Variants in SETD6 observed in about 807,000 individuals in gnomAD.
SETD6 encodes the protein SET domain containing 6, protein lysine methyltransferase, also known as N-lysine methyltransferase SETD6.
SETD6 carries 67 observed loss-of-function variants against 52.7 expected under a neutral mutation model. The observed-to-expected ratio is 1.27, with a 90% CI of 1.04 to 1.56. The LOEUF (loss-of-function observed/expected upper bound fraction) is 1.56. Ranked by LOEUF, SETD6 falls within the 40% of genes most tolerant of loss-of-function variation. The probability of loss-of-function intolerance (pLI) is 0.00; values close to 1 mark genes in which losing one functional copy is unlikely to be tolerated. For missense variants in SETD6, 712 were observed against 607.5 expected, an observed-to-expected ratio of 1.17 and a Z score of -1.81; for synonymous variants, 307 against 250.2, an observed-to-expected ratio of 1.23 and a Z score of -2.14.
intron 5 of SETD6, chr16:58,517,376 C>T (rs1041150633): frequency 6.7e-5 from 12 of 178,586 alleles, no homozygotes; most frequent in Admixed American, 3.7e-4. Context: ...TAAAAAGTAG[C>T]CTGAAAAGAT....
chr16:58,521,089 A>G lies in SETD6; in HGVS notation c.*2060A>G. On this transcript the variant is annotated 3_prime_UTR_variant, in exon 8 of 8. Transcript: ENST00000219315. Reference sequence around the variant, plus strand: ...CTGATTAAAGAGTAGGCCTAACAATACCTTGCATCTCATTCAGCTGACCCA... The same window carrying G: ...CTGATTAAAGAGTAGGCCTAACAATGCCTTGCATCTCATTCAGCTGACCCA... 3 of 1,613,544 alleles carry G rather than the reference A, an allele frequency of 1.9e-6. No individual in the cohort carries two copies. Among genetic ancestry groups the G allele is most frequent in the Non-Finnish European group, 2.5e-6 (3 of 1,179,532 alleles).
rs111540457 is a variant in SETD6, at chr16:58,522,508, C to CTATT, written c.*3481_*3482insTTTA. ...ATACCATATTTAGCACCATAGGTGACTAATTAGGCAAATGAGCAAGTTTTA... is the reference window on the plus strand; with the variant it reads ...ATACCATATTTAGCACCATAGGTGACTATTTAATTAGGCAAATGAGCAAGTTTTA... On this transcript the variant is annotated 3_prime_UTR_variant, in exon 8 of 8. Transcript: ENST00000219315. Among the ~76,000 whole-genome samples, 99,522 of 151,622 alleles carry CTATT rather than the reference C, an allele frequency of 0.66. 33,929 individuals carry two copies. The highest frequency in any genetic ancestry group is 0.97 in the East Asian group (4,973 of 5,146).
Position 58,515,995 on chromosome 16 carries a change from G to A in SETD6, c.232G>A (p.Val78Met). 6.5e-7 allele frequency: 1 copy of A among 1,542,638 alleles called. No homozygotes were observed. The highest frequency in any genetic ancestry group is 8.7e-7 in the Non-Finnish European group (1 of 1,155,092). Residue 78 changes from valine to methionine, a missense_variant, in exon 2 of 8, where the codon GTG (valine) becomes ATG (methionine). Physicochemically the swap from Val to Met is conservative, Grantham distance 21. Transcript: ENST00000219315. Reference protein sequence around the residue: ...RQGTVAGYGMVARESVQAGEL... With the variant: ...RQGTVAGYGMMARESVQAGEL... Reference sequence around the variant, plus strand: ...GGGCACGGTGGCCGGCTACGGCATGGTGGCCCGGGAGAGCGTGCAGGCCGG... The same window carrying A: ...GGGCACGGTGGCCGGCTACGGCATGATGGCCCGGGAGAGCGTGCAGGCCGG...
Position 58,516,206 on chromosome 16 carries a change from A to G in SETD6, c.339A>G (p.Arg113=), listed in dbSNP as rs749275639. 1 of 1,587,842 alleles carries G rather than the reference A, an allele frequency of 6.3e-7. No homozygotes were observed. The highest frequency in any genetic ancestry group is 8.5e-7 in the Non-Finnish European group (1 of 1,176,268). The stretch of plus-strand genomic sequence containing the variant: ...TCACACCTGTGTCTTCCTCAGAGCG[A>G]GTTGCGCTGCAGAGCCAGTCGGGCT... ...CSIGGLLERE[R]VALQSQSGWV... Residue 113 remains arginine (R), a synonymous_variant, in exon 3 of 8, where the codon CGA becomes CGG. Transcript: ENST00000219315.
intron 5 of SETD6, chr16:58,517,164 C>T (rs1288784502): frequency 2.3e-5 from 13 of 564,944 alleles, no homozygotes; most frequent in South Asian, 1.3e-4. Flanking sequence ...TAGTGCTAGA[C>T]ATTGAGTGGT....
chr16:58,516,359 G>A lies in SETD6; in HGVS notation c.476+16G>A. The A allele has an allele frequency of 2.5e-6, 4 of 1,609,968 alleles. No homozygotes were observed. The South Asian group carries it at 4.4e-5, about 18-fold the overall frequency. The stretch of plus-strand genomic sequence containing the variant: ...CGATGTTCTGGTGAGAGCCTTGGGA[G>A]GGGTTGGGGAGCGCCTGCACCGTAG... On this transcript the variant is annotated intron_variant, in intron 3 of 7. Coordinates refer to ENST00000219315, the MANE Select transcript of SETD6 (RefSeq NM_001160305.4).
At position 58,523,261 on chromosome 16, in the gene SETD6, AACC is replaced by A; in HGVS notation, c.*4234_*4236del. On this transcript the variant is annotated 3_prime_UTR_variant, in exon 8 of 8. Transcript: ENST00000219315. ...CTCCGTCTCAAAAAAACAAAAAAAA[AACC>A]AACCAAACGGATTTTCACTGAACAC... is the stretch of plus-strand genomic sequence containing the variant. The A allele has an allele frequency of 2.4e-6, 3 of 1,276,020 alleles. No homozygotes were observed. The highest frequency in any genetic ancestry group is 3.2e-6 in the Non-Finnish European group (3 of 945,870). The allele number at this position is 1,276,020 out of a possible 1,614,324, so 79.0% of individuals were successfully genotyped here.
At chr16:58,518,305 C>T (rs1312699382) in intron 6 of SETD6, 74 bp downstream of exon 6, 1 of 1,602,344 alleles carries the variant, frequency 6.2e-7, no homozygotes, top group Non-Finnish European at 8.5e-7. Context: ...AATAGCTTTG[C>T]TAAATAGCAG....
rs1443406357 is a variant in SETD6, at chr16:58,516,113, G to A, written c.334+16G>A. ...CTGGAGCGAGGTGGGCACGGCGGCG[G>A]GCTAGGGCCCTGGGGCGGGGCGGGG... On this transcript the variant is annotated intron_variant, in intron 2 of 7. Transcript: ENST00000219315. 15 of 1,262,608 alleles carry A rather than the reference G, an allele frequency of 1.2e-5. No individual in the cohort carries two copies. The highest frequency in any genetic ancestry group is 2.2e-5 in the South Asian group (1 of 44,850). 78.2% of individuals were successfully genotyped at this position (1,262,608 alleles called of 1,614,324 possible).
Position 58,516,520 on chromosome 16 carries a change from A to G in SETD6, c.519A>G (p.Val173=). The change falls in exon 4 of 8, where the codon GTA becomes GTG. Residue 173 remains valine, a synonymous_variant. Transcript: ENST00000219315. ...GGTGCCTGCTCCAGGGCACAGGCGT[A>G]CCTGAGGCCGTGGAGAAGGATTTGG... The part of the protein sequence containing the change: ...ERRCLLQGTG[V]PEAVEKDLAN... 11 of 1,614,052 alleles carry G rather than the reference A, an allele frequency of 6.8e-6. No individual in the cohort carries two copies. Among genetic ancestry groups the G allele is most frequent in the Non-Finnish European group, 9.3e-6 (11 of 1,179,992 alleles).
intron 3 of SETD6, 67 bp from the exon 4 acceptor site, chr16:58,516,411 T>C (rs1480530181): frequency 6.2e-7 from 1 of 1,613,088 alleles, no homozygotes; most frequent in African/African-American, 1.3e-5. Context: ...TCCCCGCCCC[T>C]GCACCAGTCC....
At chr16:58,517,559 C>T (rs1014710881) in intron 5 of SETD6, 15 of 181,468 alleles carry the variant, frequency 8.3e-5, no homozygotes, top group Admixed American at 2.7e-4. Context: ...CTGCAACTGC[C>T]GCCTCCTGGG....
In SETD6 at chr16:58,516,236, G is replaced by T; in HGVS notation, c.369G>T (p.Val123=). 1 of 1,597,710 alleles carries T rather than the reference G, an allele frequency of 6.3e-7. No individual in the cohort carries two copies. The highest frequency in any genetic ancestry group is 8.5e-7 in the Non-Finnish European group (1 of 1,179,358). The change falls in exon 3 of 8, where the codon GTG becomes GTT. Residue 123 remains valine, a synonymous_variant. Coordinates refer to ENST00000219315, the MANE Select transcript of SETD6 (RefSeq NM_001160305.4). ...RVALQSQSGW[V]PLLLALLHEL... ...CGCTGCAGAGCCAGTCGGGCTGGGT[G>T]CCACTGCTGCTGGCGCTGCTCCACG...
Position 58,516,663 on chromosome 16 carries a change from T to C in SETD6, c.662T>C (p.Met221Thr). The change falls in exon 4 of 8, where the codon ATG becomes ACG. Residue 221 changes from methionine to threonine, a missense_variant. Transcript: ENST00000219315. The part of the protein sequence containing the change: ...ELYHQLVALV[M>T]AYSFQEPLEE... Reference sequence around the variant, plus strand: ...TACCACCAGCTGGTGGCCCTTGTGATGGCCTATAGGTCAGTGGGTGGGGCC... The same window carrying C: ...TACCACCAGCTGGTGGCCCTTGTGACGGCCTATAGGTCAGTGGGTGGGGCC... 1 of 1,613,784 alleles carries C rather than the reference T, an allele frequency of 6.2e-7. No individual in the cohort carries two copies. The highest frequency in any genetic ancestry group is 8.5e-7 in the Non-Finnish European group (1 of 1,179,798).
chr16:58,517,482 T>C (rs545944176), intron 5 of SETD6: 43 of 171,984 alleles, frequency 2.5e-4, no homozygotes, highest in Non-Finnish European at 5.3e-4. Flanking sequence ...AGTTCCATTT[T>C]TTCCCCCCCG....
intron 7 of SETD6, 79 bp downstream of exon 7, chr16:58,518,622 T>A: frequency 7.2e-6 from 10 of 1,386,234 alleles, no homozygotes; most frequent in South Asian, 1.2e-5. Context: ...AGAGAGGAAA[T>A]GTGGGATTTT....
rs1238777644 is a variant in SETD6, at chr16:58,522,245, A to AAAAC, written c.*3219_*3220insCAAA. 7.7e-3 allele frequency among the ~76,000 whole-genome samples: 201 copies of AAAAC among 26,248 alleles called. 2 individuals are homozygous for AAAAC. The highest frequency in any genetic ancestry group is 0.043 in the African/African-American group (193 of 4,460). The allele number at this position is 26,248 out of a possible 152,430, so 17.2% of individuals were successfully genotyped here. On this transcript the variant is annotated 3_prime_UTR_variant, in exon 8 of 8. Transcript: ENST00000219315. ...ACAAAGCGAGACTGTCTCAAAAAAAAAAAAAAAAAAAAAAAAAAAAAAGCT... is the reference window on the plus strand; with the variant it reads ...ACAAAGCGAGACTGTCTCAAAAAAAAAAACAAAAAAAAAAAAAAAAAAAAAAGCT...
At chr16:58,515,719 C>T in intron 1 of SETD6, 72 bp from the exon 2 acceptor site, 2 of 1,404,052 alleles carry the variant, frequency 1.4e-6, no homozygotes, top group Non-Finnish European at 1.8e-6. Context: ...TCTGCGCTCG[C>T]GCCGCGGTCT....
chr16:58,516,900 A>C lies in SETD6; in HGVS notation c.764A>C (p.Asn255Thr). Reference protein sequence around the residue: ...PAADILNHLANHNANLEYSAN... With the variant: ...PAADILNHLATHNANLEYSAN... ...GCAGACATACTAAACCACTTAGCCAATCACAACGCCAATCTAGAATACTCT... is the reference window on the plus strand; with the variant it reads ...GCAGACATACTAAACCACTTAGCCACTCACAACGCCAATCTAGAATACTCT... The change falls in exon 5 of 8, where the codon AAT (asparagine) becomes ACT (threonine). Residue 255 changes from asparagine to threonine, a missense_variant. Transcript: ENST00000219315. 6.2e-7 allele frequency: 1 copy of C among 1,614,132 alleles called. No homozygotes were observed. Among genetic ancestry groups the C allele is most frequent in the Non-Finnish European group, 8.5e-7 (1 of 1,180,020 alleles).
Sources: gnomAD v4.1 joint callset for allele counts (sites outside exome capture counted in the v4.1 genomes callset) on GRCh38, gnomAD v4.1.1 for gene constraint, MANE v1.5 for transcripts, NCBI Gene and HGNC (gene_info 2026-07-23, HGNC 2026-07-21) for gene names.